Variants in CERT1 observed in about 807,000 individuals in gnomAD.
CERT1 encodes ceramide transfer protein.
In CERT1, 31 loss-of-function variants were observed where a neutral mutation model predicts 87.9. That is an observed-to-expected ratio of 0.35 (90% CI 0.27 to 0.48). The LOEUF (loss-of-function observed/expected upper bound fraction) is 0.48. Ranked by LOEUF, CERT1 falls within the 20% of genes least tolerant of loss-of-function variation. The pLI, the probability that CERT1 is intolerant of heterozygous loss-of-function variation, is 0.99. For synonymous variants in CERT1, 289 were observed against 250.9 expected (o/e 1.15, Z -1.44); for missense variants, 487 against 758.0 (o/e 0.64, Z 4.20).
chr5:75,481,986 A>T (rs1766268661), intron 2 of CERT1, among the ~76,000 whole-genome samples: 1 of 152,196 alleles, frequency 6.6e-6, no homozygotes, highest in Non-Finnish European at 1.5e-5. Flanking sequence ...TGTTACCGGA[A>T]TGTTACAGGA....
At chr5:75,495,349 A>T (rs934389898) in intron 2 of CERT1, among the ~76,000 whole-genome samples, 1 of 152,040 alleles carries the variant, frequency 6.6e-6, no homozygotes, top group Non-Finnish European at 1.5e-5. Flanking sequence ...TTGAGTCTAG[A>T]AGTTCAAGAC....
chr5:75,398,570 T>C (rs1280713342), intron 11 of CERT1, among the ~76,000 whole-genome samples: 1 of 152,044 alleles, frequency 6.6e-6, no homozygotes, highest in Non-Finnish European at 1.5e-5. Context: ...ACCAGAAAGA[T>C]AAAAAGTTGA....
chr5:75,457,012 A>G (rs1260655870), intron 3 of CERT1, among the ~76,000 whole-genome samples: 1 of 152,224 alleles, frequency 6.6e-6, no homozygotes, highest in Non-Finnish European at 1.5e-5. Flanking sequence ...ATAAAAATCA[A>G]CTGATTAAGC....
intron 2 of CERT1, among the ~76,000 whole-genome samples, chr5:75,464,571 T>A (rs1178836900): frequency 6.6e-6 from 1 of 152,056 alleles, no homozygotes; most frequent in African/African-American, 2.4e-5. Context: ...TGGTAAAGAC[T>A]TGAGCAGTGT....
intron 2 of CERT1, among the ~76,000 whole-genome samples, chr5:75,472,569 TAAC>T (rs1765763829): frequency 6.6e-6 from 1 of 151,956 alleles, no homozygotes; most frequent in Non-Finnish European, 1.5e-5. Flanking sequence ...CTCAACTCAA[TAAC>T]AAGAAAATAA....
intron 3 of CERT1, among the ~76,000 whole-genome samples, chr5:75,443,666 A>G (rs1321045542): frequency 6.6e-6 from 1 of 152,202 alleles, no homozygotes; most frequent in African/African-American, 2.4e-5. Flanking sequence ...AGTGTTCTGT[A>G]TATGTCTTTT....
chr5:75,462,547 A>C (rs995505782), intron 2 of CERT1, among the ~76,000 whole-genome samples: 8 of 152,328 alleles, frequency 5.3e-5, no homozygotes, highest in Admixed American at 5.2e-4. Flanking sequence ...ATGGACTGGT[A>C]CTGGTCTGTG....
At chr5:75,423,781 A>G (rs1293433588) in intron 5 of CERT1, among the ~76,000 whole-genome samples, 1 of 152,196 alleles carries the variant, frequency 6.6e-6, no homozygotes, top group Non-Finnish European at 1.5e-5. Context: ...TAAATATGCA[A>G]ACTATAAACC....
chr5:75,483,781 CA>C (rs962204120), intron 2 of CERT1, among the ~76,000 whole-genome samples: 10 of 151,494 alleles, frequency 6.6e-5, no homozygotes, highest in African/African-American at 2.4e-4. Flanking sequence ...CACAGAAAAA[CA>C]AAAGCTGAGG....
At position 75,426,374 on chromosome 5, in the gene CERT1, G is replaced by A. The variant is rs759501874; in HGVS notation, c.453C>T (p.Phe151=). 5 of 1,608,286 alleles carry A rather than the reference G, an allele frequency of 3.1e-6. No individual in the cohort carries two copies. Among genetic ancestry groups the A allele is most frequent in the East Asian group, 4.5e-5 (2 of 44,824 alleles). The change falls in exon 4 of 17, where the codon TTC becomes TTT. Residue 151 remains phenylalanine, a synonymous_variant. Coordinates refer to ENST00000643780, the MANE Select transcript of CERT1 (RefSeq NM_001379029.1). ...SGYSATSTSS[F]KKGHSLREKL... is the part of the protein sequence containing the mutation. The stretch of plus-strand genomic sequence containing the variant: ...AAGGCATCCATTAACTACACACCTT[G>A]AATGAAGAGGTGGATGTTGCAGAGT...
intron 11 of CERT1, among the ~76,000 whole-genome samples, chr5:75,398,003 A>T (rs887616585): frequency 6.6e-5 from 10 of 152,292 alleles, no homozygotes; most frequent in African/African-American, 2.4e-4. Flanking sequence ...TGGGCAACAG[A>T]GCAAGACCCT....
intron 7 of CERT1, among the ~76,000 whole-genome samples, chr5:75,416,047 C>T (rs1228192341): frequency 3.3e-5 from 5 of 152,026 alleles, no homozygotes; most frequent in South Asian, 4.1e-4. Flanking sequence ...CTTAGTGTCC[C>T]GCTCAAATTC....
rs140933058 is a variant in CERT1 at position 75,420,868 on chromosome 5, C to G, written c.596-1444G>C. On this transcript the variant is annotated intron_variant, in intron 5 of 16. Transcript: ENST00000643780. ...GACAGGGTCTGGCTCTGTTGCCCAG[C>G]CTGGAGTGCAGTGGCACAATCTCAG... Among the ~76,000 whole-genome samples the G allele has an allele frequency of 2.1e-3, 316 of 151,260 alleles. 1 individual carries two copies. In the East Asian group the frequency reaches 0.028, roughly 13 times the overall value.
chr5:75,495,633 T>C (rs1487683364), intron 2 of CERT1, among the ~76,000 whole-genome samples: 1 of 152,022 alleles, frequency 6.6e-6, no homozygotes, highest in Admixed American at 6.5e-5. Context: ...AATACCAGCT[T>C]CCCTGGTGAA....
At chr5:75,431,370 A>G (rs990736545) in intron 3 of CERT1, among the ~76,000 whole-genome samples, 4 of 152,166 alleles carry the variant, frequency 2.6e-5, no homozygotes, top group Non-Finnish European at 5.9e-5. Context: ...AACTGCATCC[A>G]TTTCATGAAG....
rs772012234 is a variant in CERT1 at position 75,403,060 on chromosome 5, T to C, written c.931-2A>G. 6.2e-7 allele frequency: 1 copy of C among 1,605,006 alleles called. No homozygotes were observed. Among genetic ancestry groups the C allele is most frequent in the Non-Finnish European group, 8.5e-7 (1 of 1,172,050 alleles). ...ATTAATCAGACTGTTAGGGCCTTCCTATTCCAACACACAGTGGAGAAAAAA... is the reference window on the plus strand; with the variant it reads ...ATTAATCAGACTGTTAGGGCCTTCCCATTCCAACACACAGTGGAGAAAAAA... On this transcript the variant is annotated splice_acceptor_variant, in intron 8 of 16. Coordinates refer to ENST00000643780, the MANE Select transcript of CERT1 (RefSeq NM_001379029.1). LOFTEE classifies it high-confidence loss of function.
chr5:75,373,238 A>G (rs1015498972), downstream of CERT1: 3 of 152,228 alleles, frequency 2.0e-5, no homozygotes, highest in African/African-American at 7.2e-5. Context: ...TGAATACCAG[A>G]AATATTGAAT....
chr5:75,426,144 T>A (rs1354423404), intron 4 of CERT1, among the ~76,000 whole-genome samples: 3 of 152,184 alleles, frequency 2.0e-5, no homozygotes, highest in Non-Finnish European at 4.4e-5. Context: ...TTGAACCAGT[T>A]TTTTTATATT....
At chr5:75,496,896 A>G (rs1450834991) in intron 2 of CERT1, among the ~76,000 whole-genome samples, 4 of 152,212 alleles carry the variant, frequency 2.6e-5, no homozygotes, top group East Asian at 3.8e-4. Context: ...TGTGAAAACT[A>G]TAACTGTATA....
Sources: gnomAD v4.1 joint callset for allele counts (sites outside exome capture counted in the v4.1 genomes callset) on GRCh38, gnomAD v4.1.1 for gene constraint, MANE v1.5 for transcripts, NCBI Gene and HGNC (gene_info 2026-07-23, HGNC 2026-07-21) for gene names.